ARID5B: variants seen among roughly 807,000 people sequenced by gnomAD.
ARID5B encodes AT-rich interactive domain-containing protein 5B.
A neutral mutation model predicts 97.2 loss-of-function variants in ARID5B; 13 were observed. That is an observed-to-expected ratio of 0.13 (90% CI 0.09 to 0.21). The LOEUF is 0.21. Among genes scored for constraint, ARID5B ranks in the 10% least tolerant of loss-of-function variants. The pLI is 1.00. For synonymous variants in ARID5B, 556 were observed against 570.3 expected, an observed-to-expected ratio of 0.97 and a Z score of 0.36; for missense variants, 1,210 against 1,465.3, an observed-to-expected ratio of 0.83 and a Z score of 2.84.
intron 7 of ARID5B, among the ~76,000 whole-genome samples, chr10:62,065,251 C>T (rs7898839): frequency 0.88 from 133,707 of 152,184 alleles, 60,457 homozygotes; most frequent in East Asian, 1. Flanking sequence ...TTTGTTTTAC[C>T]TGGGTGTAGT....
intron 5 of ARID5B, among the ~76,000 whole-genome samples, chr10:62,056,379 G>C (rs1000567744): frequency 3.3e-5 from 5 of 152,108 alleles, no homozygotes; most frequent in Non-Finnish European, 2.9e-5. Flanking sequence ...TAAACAGTGA[G>C]ATCTTTTGTT....
intron 4 of ARID5B, among the ~76,000 whole-genome samples, chr10:62,014,211 AT>A (rs1215948009): frequency 1.3e-5 from 2 of 152,170 alleles, no homozygotes; most frequent in Non-Finnish European, 2.9e-5. Flanking sequence ...ACTAATTTAC[AT>A]TTCCTTGTTA....
rs58516574 is a variant in ARID5B, at chr10:62,095,225, G to A, written c.*2195G>A. ...GGGGGGAAAAATCTCAATTCCAGCTGGCAAGATGCTAGCCAGGACACATAT... is the reference window on the plus strand; with the variant it reads ...GGGGGGAAAAATCTCAATTCCAGCTAGCAAGATGCTAGCCAGGACACATAT... On this transcript the variant is annotated 3_prime_UTR_variant, in exon 10 of 10. Coordinates refer to ENST00000279873, the MANE Select transcript of ARID5B (RefSeq NM_032199.3). The A allele has an allele frequency of 0.11, 26,669 of 233,280 alleles. 1,765 individuals are homozygous for A. Among genetic ancestry groups the A allele is most frequent in the African/African-American group, 0.17 (7,745 of 45,306 alleles). The allele number at this position is 233,280 out of a possible 1,614,324, so 14.5% of individuals were successfully genotyped here. A position where few individuals can be genotyped will look rare whatever the true frequency, so the allele number is the denominator to read the frequency against.
At chr10:61,933,799 A>C (rs961905906) in intron 2 of ARID5B, among the ~76,000 whole-genome samples, 13 of 152,190 alleles carry the variant, frequency 8.5e-5, no homozygotes, top group Non-Finnish European at 1.8e-4. Flanking sequence ...CATAATCCTG[A>C]AAGGCCCTAG....
intron 4 of ARID5B, among the ~76,000 whole-genome samples, chr10:62,006,397 G>T (rs147056186): frequency 1.3e-5 from 2 of 152,124 alleles, no homozygotes; most frequent in Non-Finnish European, 2.9e-5. Flanking sequence ...AGCCAAGATC[G>T]CGCCATTGTA....
intron 4 of ARID5B, among the ~76,000 whole-genome samples, chr10:62,036,169 TAAA>T (rs1330775203): frequency 2.0e-5 from 3 of 151,928 alleles, no homozygotes; most frequent in Non-Finnish European, 4.4e-5. Context: ...GGAGAAAAGC[TAAA>T]AAAGAAAAGG....
chr10:62,026,688 T>A (rs921480636), intron 4 of ARID5B, among the ~76,000 whole-genome samples: 1 of 152,206 alleles, frequency 6.6e-6, no homozygotes, highest in Non-Finnish European at 1.5e-5. Flanking sequence ...TGTGGGATCG[T>A]CAAGTTGAGT....
chr10:62,010,979 G>A (rs1460977357), intron 4 of ARID5B, among the ~76,000 whole-genome samples: 1 of 152,190 alleles, frequency 6.6e-6, no homozygotes, highest in Non-Finnish European at 1.5e-5. Context: ...AATCATATCG[G>A]AAAGTGTTAA....
chr10:62,041,954 G>A (rs942988918), intron 4 of ARID5B, among the ~76,000 whole-genome samples: 9 of 152,154 alleles, frequency 5.9e-5, no homozygotes, highest in African/African-American at 2.2e-4. Context: ...AGACTAGAAC[G>A]AGCAGATTTA....
chr10:62,006,140 A>G (rs189835396), intron 4 of ARID5B, among the ~76,000 whole-genome samples: 118 of 152,292 alleles, frequency 7.7e-4, no homozygotes, highest in African/African-American at 2.6e-3. Context: ...TTTGTTTATC[A>G]TTAAAGAATG....
chr10:62,005,406 A>C (rs1839134033), intron 4 of ARID5B, among the ~76,000 whole-genome samples: 1 of 152,198 alleles, frequency 6.6e-6, no homozygotes, highest in Non-Finnish European at 1.5e-5. Context: ...ATAAATGAAG[A>C]TTCTCTACTG....
rs1840465329 is a variant in ARID5B, at chr10:62,096,080, CTTCT to C, written c.*3051_*3054del. ...CAACCGAGTTTCGGAATTAAGTATT[CTTCT>C]AGTAAGTGATTCAAACTTGTAATAT... On this transcript the variant is annotated 3_prime_UTR_variant, in exon 10 of 10. Transcript: ENST00000279873. 2.6e-5 allele frequency: 6 copies of C among 233,340 alleles called. No individual in the cohort carries two copies. The highest frequency in any genetic ancestry group is 1.3e-4 in the African/African-American group (6 of 45,344). 14.5% of individuals were successfully genotyped at this position (233,340 alleles called of 1,614,324 possible).
intron 4 of ARID5B, among the ~76,000 whole-genome samples, chr10:62,024,333 TACA>T (rs1193070216): frequency 6.6e-6 from 1 of 152,250 alleles, no homozygotes; most frequent in Non-Finnish European, 1.5e-5. Context: ...TTTTGACTAA[TACA>T]ACACCTGTTG....
chr10:61,929,333 G>C (rs75364591), intron 2 of ARID5B, among the ~76,000 whole-genome samples: 18 of 152,252 alleles, frequency 1.2e-4, no homozygotes, highest in African/African-American at 4.3e-4. Flanking sequence ...TCCTGTTCTT[G>C]TTCCATCCCC....
At chr10:61,938,608 C>T (rs182818645) in intron 2 of ARID5B, among the ~76,000 whole-genome samples, 6 of 152,094 alleles carry the variant, frequency 3.9e-5, no homozygotes, top group East Asian at 3.9e-4. Flanking sequence ...GGAAATCATC[C>T]GTTGAAATGG....
intron 8 of ARID5B, among the ~76,000 whole-genome samples, chr10:62,070,241 T>C (rs1840046356): frequency 6.6e-6 from 1 of 152,224 alleles, no homozygotes; most frequent in Non-Finnish European, 1.5e-5. Flanking sequence ...TCTGTTGTTT[T>C]ATTTCATCCT....
chr10:61,939,361 A>T (rs1399902456), intron 2 of ARID5B, among the ~76,000 whole-genome samples: 1 of 152,154 alleles, frequency 6.6e-6, no homozygotes, highest in Non-Finnish European at 1.5e-5. Context: ...TCTATTAAAG[A>T]TCTTGCTGAA....
chr10:61,959,459 A>C (rs1838439945), intron 3 of ARID5B, among the ~76,000 whole-genome samples: 1 of 152,192 alleles, frequency 6.6e-6, no homozygotes, highest in Admixed American at 6.5e-5. Flanking sequence ...CCTTCAAAAA[A>C]ACCTATAAAT....
intron 3 of ARID5B, among the ~76,000 whole-genome samples, chr10:61,990,383 A>G (rs1269829966): frequency 2.6e-5 from 4 of 152,240 alleles, no homozygotes; most frequent in Non-Finnish European, 5.9e-5. Context: ...CTTTGTCTAA[A>G]AAAGGCCTGC....
Sources: allele counts gnomAD v4.1 joint callset (sites outside exome capture counted in the v4.1 genomes callset), GRCh38; gene constraint gnomAD v4.1.1; transcripts MANE v1.5; gene names NCBI Gene and HGNC (gene_info 2026-07-23, HGNC 2026-07-21).